The following RP1L1 variants were observed in gnomAD, a reference collection of about 807,000 sequenced individuals.
RP1L1 encodes retinitis pigmentosa 1-like 1 protein.
A neutral mutation model predicts 15.7 loss-of-function variants in RP1L1; 27 were observed. The ratio of observed to expected loss-of-function variants is 1.72; its 90% CI spans 1.27 to 2.38. The LOEUF (loss-of-function observed/expected upper bound fraction) is 2.38, where lower values mean the gene tolerates loss of function less well. Ranked by LOEUF, RP1L1 falls within the 30% of genes most tolerant of loss-of-function variation. The pLI, the probability that RP1L1 is intolerant of heterozygous loss-of-function variation, is 0.00. For synonymous variants in RP1L1, 1,813 were observed against 1,276.7 expected, an observed-to-expected ratio of 1.42 and a Z score of -8.96; for missense variants, 4,798 against 3,075.9, an observed-to-expected ratio of 1.56 and a Z score of -13.24.
chr8:10,651,713 C>T (rs190889293), intron 1 of RP1L1, among the ~76,000 whole-genome samples: 1 of 149,702 alleles, frequency 6.7e-6, no homozygotes, highest in East Asian at 2.0e-4. Context: ...GCCGAGATCA[C>T]GCCTCTGCAC....
chr8:10,609,175 T>C lies in RP1L1; in HGVS notation c.4923A>G (p.Thr1641=), dbSNP rs368864475. The C allele has an allele frequency of 1.2e-5, 20 of 1,612,348 alleles. No individual in the cohort carries two copies. The African/African-American group carries it at 2.3e-4, about 18-fold the overall frequency. ...FTLEDEPALS[T]ALGSQLGEEA... The stretch of plus-strand genomic sequence containing the variant: ...CCTCGCCCAGCTGGCTCCCCAGGGC[T>C]GTGCTGAGGGCTGGCTCGTCCTCCA... The change falls in exon 4 of 4, where the codon ACA becomes ACG. Residue 1641 remains threonine (T), a synonymous_variant. Coordinates refer to ENST00000382483, the MANE Select transcript of RP1L1 (RefSeq NM_178857.6).
Position 10,609,599 on chromosome 8 carries a change from G to T in RP1L1, c.4499C>A (p.Ala1500Glu), listed in dbSNP as rs1797788539. 1 of 1,606,432 alleles carries T rather than the reference G, an allele frequency of 6.2e-7. No individual in the cohort carries two copies. Among genetic ancestry groups the T allele is most frequent in the Non-Finnish European group, 8.5e-7 (1 of 1,179,480 alleles). ...HTQAQPTQGA[A>E]ERSSSVACSA... ...GCAGGCCACCGAAGAGCTCCTCTCT[G>T]CAGCCCCCTGGGTGGGTTGGGCCTG... Residue 1500 changes from alanine to glutamate, a missense_variant, in exon 4 of 4, where the codon GCA becomes GAA. Ala to Glu is a moderately radical substitution (Grantham distance 107). Coordinates refer to ENST00000382483, the MANE Select transcript of RP1L1 (RefSeq NM_178857.6).
chr8:10,608,039 G>T lies in RP1L1; in HGVS notation c.6059C>A (p.Ser2020Ter). 2 of 1,606,312 alleles carry T rather than the reference G, an allele frequency of 1.2e-6. No individual in the cohort carries two copies. The highest frequency in any genetic ancestry group is 1.7e-6 in the Non-Finnish European group (2 of 1,178,584). ...CTTTGGCTGGGCCTCTACACCGTCT[G>T]ACTCTGGCTGGGCCTCCTCTTCTGC... ...QEAEEEAQPE[S>*]DGVEAQPKSE... Residue 2020 changes from serine to a stop codon, truncating the protein, a stop_gained, in exon 4 of 4, where the codon TCA becomes TAA. Transcript: ENST00000382483. LOFTEE classifies it low-confidence loss of function (END_TRUNC).
intron 1 of RP1L1, among the ~76,000 whole-genome samples, chr8:10,647,878 T>C (rs1381262831): frequency 2.0e-5 from 3 of 152,242 alleles, no homozygotes. Flanking sequence ...TGCTGGATCC[T>C]ATGACAATTG....
chr8:10,632,381 C>A (rs191214133), intron 1 of RP1L1, among the ~76,000 whole-genome samples: 29 of 152,294 alleles, frequency 1.9e-4, no homozygotes, highest in African/African-American at 6.5e-4. Flanking sequence ...TATAAAGCAC[C>A]TTTCACATGT....
At position 10,610,302 on chromosome 8, in the gene RP1L1, C is replaced by T; in HGVS notation, c.3796G>A (p.Ala1266Thr). ...CCFPTFLNAR[A>T]CACATNEDEA... ...TCCTCATTGGTGGCACAAGCGCAGG[C>T]TCGGGCGTTCAAGAAGGTTGGGAAA... The change falls in exon 4 of 4, where the codon GCC (alanine) becomes ACC (threonine). Residue 1266 changes from alanine to threonine, a missense_variant. Transcript: ENST00000382483. The T allele has an allele frequency of 6.2e-7, 1 of 1,614,206 alleles. No homozygotes were observed. Among genetic ancestry groups the T allele is most frequent in the Non-Finnish European group, 8.5e-7 (1 of 1,180,042 alleles).
chr8:10,650,497 A>G (rs1010016738), intron 1 of RP1L1, among the ~76,000 whole-genome samples: 22 of 152,098 alleles, frequency 1.4e-4, no homozygotes, highest in Admixed American at 1.3e-4. Context: ...ATCCTGTCAC[A>G]TTCGGGATGC....
In RP1L1 at chr8:10,608,540, G is replaced by T; in HGVS notation, c.5558C>A (p.Ala1853Asp). The T allele has an allele frequency of 6.2e-7, 1 of 1,600,862 alleles. No individual in the cohort carries two copies. The highest frequency in any genetic ancestry group is 1.7e-5 in the Admixed American group (1 of 59,392). The change falls in exon 4 of 4, where the codon GCC (alanine) becomes GAC (aspartate). Residue 1853 changes from alanine (A) to aspartate (D), a missense_variant. Ala to Asp is a moderately radical substitution (Grantham distance 126). Coordinates refer to ENST00000382483, the MANE Select transcript of RP1L1 (RefSeq NM_178857.6). The stretch of plus-strand genomic sequence containing the variant: ...CTGGGCATCCCCTTCTGCCTCTGGG[G>T]CCTCTACACCTTCTGACTCTGGCTG... ...EAQPESEGVE[A>D]PEAEGDAQEA...
Position 10,609,023 on chromosome 8 carries a change from A to G in RP1L1, c.5075T>C (p.Ile1692Thr). The change falls in exon 4 of 4, where the codon ATT (isoleucine) becomes ACT (threonine). Residue 1692 changes from isoleucine (I) to threonine (T), a missense_variant. Coordinates refer to ENST00000382483, the MANE Select transcript of RP1L1 (RefSeq NM_178857.6). ...PIKEAFDLQQ[I>T]LQRKRGEHTD... ...GTGTTCTCCCCTCTTCCTCTGCAGA[A>G]TCTGCTGCAGGTCAAAGGCCTCTTT... 6.2e-7 allele frequency: 1 copy of G among 1,613,444 alleles called. No homozygotes were observed. Among genetic ancestry groups the G allele is most frequent in the Non-Finnish European group, 8.5e-7 (1 of 1,179,482 alleles).
Position 10,610,184 on chromosome 8 carries a change from T to G in RP1L1, c.3914A>C (p.Glu1305Ala), listed in dbSNP as rs762801175. The part of the protein sequence containing the change: ...NTVQEEVQLE[E>A]TKEGTEGEGL... ...TTCTCCTTCTGTTCCTTCTTTAGTT[T>G]CCTCTAATTGCACCTCTTCTTGCAC... Residue 1305 changes from glutamate (E) to alanine (A), a missense_variant, in exon 4 of 4, where the codon GAA (glutamate) becomes GCA (alanine). Coordinates refer to ENST00000382483, the MANE Select transcript of RP1L1 (RefSeq NM_178857.6). The G allele has an allele frequency of 2.0e-6, 3 of 1,528,506 alleles. No individual in the cohort carries two copies. The highest frequency in any genetic ancestry group is 1.8e-5 in the Admixed American group (1 of 54,352). 94.7% of individuals were successfully genotyped at this position (1,528,506 alleles called of 1,614,324 possible). A position where few individuals can be genotyped will look rare whatever the true frequency, so the allele number is the denominator to read the frequency against.
intron 1 of RP1L1, among the ~76,000 whole-genome samples, chr8:10,636,124 C>T (rs977437864): frequency 6.6e-6 from 1 of 152,266 alleles, no homozygotes; most frequent in Non-Finnish European, 1.5e-5. Context: ...GTTCCCTCAT[C>T]TGTCAAATGA....
In RP1L1 at chr8:10,609,185, G is replaced by A. The variant is rs201741708; in HGVS notation, c.4913C>T (p.Ala1638Val). ...CTGGCTCCCCAGGGCTGTGCTGAGG[G>A]CTGGCTCGTCCTCCAGGGTGAAGGA... ...PLSFTLEDEP[A>V]LSTALGSQLG... is the part of the protein sequence containing the mutation. The change falls in exon 4 of 4, where the codon GCC (alanine) becomes GTC (valine). Residue 1638 changes from alanine to valine, a missense_variant. Ala to Val is a moderately conservative substitution (Grantham distance 64). Coordinates refer to ENST00000382483, the MANE Select transcript of RP1L1 (RefSeq NM_178857.6). The A allele has an allele frequency of 6.2e-7, 1 of 1,611,546 alleles. No individual in the cohort carries two copies. The highest frequency in any genetic ancestry group is 1.3e-5 in the African/African-American group (1 of 74,922).
chr8:10,634,955 A>G (rs1269141632), intron 1 of RP1L1, among the ~76,000 whole-genome samples: 3 of 152,180 alleles, frequency 2.0e-5, no homozygotes, highest in African/African-American at 7.2e-5. Flanking sequence ...CCAGAAATGC[A>G]TCCACCACAA....
rs775098260 is a variant in RP1L1 at position 10,610,796 on chromosome 8, G to A, written c.3302C>T (p.Pro1101Leu). 1.9e-6 allele frequency: 3 copies of A among 1,611,156 alleles called. No individual in the cohort carries two copies. Among genetic ancestry groups the A allele is most frequent in the Non-Finnish European group, 2.5e-6 (3 of 1,178,548 alleles). Residue 1101 changes from proline (P) to leucine (L), a missense_variant, in exon 4 of 4, where the codon CCC (proline) becomes CTC (leucine). Coordinates refer to ENST00000382483, the MANE Select transcript of RP1L1 (RefSeq NM_178857.6). ...GSKQGRPSSV[P>L]EVSRPMARRL... ...CCTGGCCATGGGCCTAGACACTTCG[G>A]GCACGCTGCTGGGCCGGCCCTGCTT...
At chr8:10,644,341 T>A (rs888859147) in intron 1 of RP1L1, among the ~76,000 whole-genome samples, 7 of 151,468 alleles carry the variant, frequency 4.6e-5, no homozygotes, top group Non-Finnish European at 1.0e-4. Flanking sequence ...AATCTGCCCA[T>A]GCTGAAATTC....
chr8:10,641,067 G>A (rs1361845888), intron 1 of RP1L1, among the ~76,000 whole-genome samples: 7 of 152,166 alleles, frequency 4.6e-5, no homozygotes. Context: ...CACCACAACT[G>A]ACTAAATAAC....
rs567269207 is a variant in RP1L1 at position 10,611,043 on chromosome 8, C to T, written c.3055G>A (p.Gly1019Ser). ...GCTCCCTCTGGCTCTGGGTCCTGGCCGGGGTCCCCTTCCAGGGACTGCTGT... is the reference window on the plus strand; with the variant it reads ...GCTCCCTCTGGCTCTGGGTCCTGGCTGGGGTCCCCTTCCAGGGACTGCTGT... ...AGQQSLEGDP[G>S]QDPEPEGALL... Residue 1019 changes from glycine (G) to serine (S), a missense_variant, in exon 4 of 4, where the codon GGC (glycine) becomes AGC (serine). Physicochemically the swap from Gly to Ser is moderately conservative, Grantham distance 56. Transcript: ENST00000382483. 25 of 1,612,776 alleles carry T rather than the reference C, an allele frequency of 1.6e-5. No individual in the cohort carries two copies. The highest frequency in any genetic ancestry group is 1.7e-4 in the Middle Eastern group (1 of 6,054).
In RP1L1 at chr8:10,621,901, T is replaced by C. The variant is rs1294169570; in HGVS notation, c.609+692A>G. ...CAGACCCAGCTTCCAATTCACTCTC[T>C]GGCTTCCCAAACATGAAGCCCTCCA... On this transcript the variant is annotated intron_variant, in intron 2 of 3. Transcript: ENST00000382483. The C allele has an allele frequency of 7.4e-6, 3 of 406,226 alleles. No homozygotes were observed. The Admixed American group carries it at 8.2e-5, about 11-fold the overall frequency. 25.2% of individuals were successfully genotyped at this position (406,226 alleles called of 1,614,324 possible).
chr8:10,608,871 C>T lies in RP1L1; in HGVS notation c.5227G>A (p.Gly1743Ser), dbSNP rs759400299. 7 of 1,613,904 alleles carry T rather than the reference C, an allele frequency of 4.3e-6. No homozygotes were observed. Among genetic ancestry groups the T allele is most frequent in the African/African-American group, 1.3e-5 (1 of 74,900 alleles). The change falls in exon 4 of 4, where the codon GGT (glycine) becomes AGT (serine). Residue 1743 changes from glycine to serine, a missense_variant. Gly to Ser is a moderately conservative substitution (Grantham distance 56, BLOSUM62 0). Coordinates refer to ENST00000382483, the MANE Select transcript of RP1L1 (RefSeq NM_178857.6). ...GLSQGPGVDE[G>S]EDGEGSQRLN... ...CTCTGGCTCCCCTCGCCATCCTCAC[C>T]CTCGTCCACTCCAGGCCCCTGGCTC... is the stretch of plus-strand genomic sequence containing the variant.
Sources: allele counts gnomAD v4.1 joint callset (sites outside exome capture counted in the v4.1 genomes callset), GRCh38; gene constraint gnomAD v4.1.1; transcripts MANE v1.5; gene names NCBI Gene and HGNC (gene_info 2026-07-23, HGNC 2026-07-21).